Variants in COL28A1 observed in about 807,000 individuals in gnomAD.
COL28A1 encodes the protein collagen alpha-1(XXVIII) chain.
COL28A1 carries 161 observed loss-of-function variants against 150.2 expected under a neutral mutation model. The ratio of observed to expected loss-of-function variants is 1.07; its 90% CI spans 0.94 to 1.22. The LOEUF is 1.22. Among genes scored for constraint, COL28A1 ranks in the 50% most tolerant of loss-of-function variants. COL28A1 has a pLI of 0.00. For synonymous variants in COL28A1, 552 were observed against 469.7 expected, an observed-to-expected ratio of 1.18 and a Z score of -2.26; for missense variants, 1,617 against 1,388.3, an observed-to-expected ratio of 1.16 and a Z score of -2.62.
At position 7,477,064 on chromosome 7, in the gene COL28A1, G is replaced by A. The variant is rs17168104; in HGVS notation, c.1233+48C>T. ...CACATTTTTAAAATTTGTAATTCAC[G>A]AGCATGTAAGACAAAGCACCTTTTC... On this transcript the variant is annotated intron_variant, in intron 14 of 34. Transcript: ENST00000399429. 3,734 of 857,216 alleles carry A rather than the reference G, an allele frequency of 4.4e-3. 87 individuals are homozygous for A. The African/African-American group carries it at 0.054, about 12-fold the overall frequency. 53.1% of individuals were successfully genotyped at this position (857,216 alleles called of 1,614,324 possible).
intron 21 of COL28A1, among the ~76,000 whole-genome samples, chr7:7,440,232 T>C (rs572201027): frequency 6.6e-6 from 1 of 152,344 alleles, no homozygotes; most frequent in African/African-American, 2.4e-5. Flanking sequence ...TTTCTCTGAA[T>C]AATTCGATGT....
intron 8 of COL28A1, among the ~76,000 whole-genome samples, chr7:7,514,936 G>T (rs1781340598): frequency 6.6e-6 from 1 of 152,164 alleles, no homozygotes; most frequent in South Asian, 2.1e-4. Context: ...TGCCCTCCCA[G>T]CAGCAGGCCT....
intron 30 of COL28A1, among the ~76,000 whole-genome samples, chr7:7,378,591 A>G (rs1430626366): frequency 6.6e-6 from 1 of 152,206 alleles, no homozygotes; most frequent in African/African-American, 2.4e-5. Flanking sequence ...TGGGGGATAC[A>G]TTCGATCACA....
chr7:7,420,883 A>C (rs1472024729), intron 25 of COL28A1, among the ~76,000 whole-genome samples: 1 of 152,226 alleles, frequency 6.6e-6, no homozygotes, highest in African/African-American at 2.4e-5. Flanking sequence ...AGGATGTAGA[A>C]AAACAGGAAC....
intron 26 of COL28A1, among the ~76,000 whole-genome samples, chr7:7,418,355 A>C (rs1184735667): frequency 6.6e-6 from 1 of 152,254 alleles, no homozygotes; most frequent in Non-Finnish European, 1.5e-5. Flanking sequence ...GTTGCACTTA[A>C]AGATCCAGTG....
intron 33 of COL28A1, among the ~76,000 whole-genome samples, chr7:7,367,425 G>C (rs1210673088): frequency 1.3e-5 from 2 of 152,118 alleles, no homozygotes; most frequent in African/African-American, 2.4e-5. Flanking sequence ...TTTTGCATTG[G>C]TGCTTCTTTA....
At chr7:7,397,801 C>T (rs1453020613) in intron 27 of COL28A1, among the ~76,000 whole-genome samples, 2 of 152,144 alleles carry the variant, frequency 1.3e-5, no homozygotes, top group Admixed American at 1.3e-4. Context: ...ACAAATTGGG[C>T]ATAAGAGTGA....
intron 27 of COL28A1, among the ~76,000 whole-genome samples, chr7:7,416,801 C>G (rs1029438431): frequency 9.9e-5 from 15 of 152,160 alleles, no homozygotes; most frequent in African/African-American, 3.6e-4. Context: ...ACTAAGCTTA[C>G]TCTCTCTACA....
chr7:7,395,985 C>T (rs1270370507), intron 27 of COL28A1, among the ~76,000 whole-genome samples: 1 of 152,196 alleles, frequency 6.6e-6, no homozygotes, highest in Non-Finnish European at 1.5e-5. Flanking sequence ...GACGCAGTGA[C>T]CTACCTGAAT....
intron 8 of COL28A1, among the ~76,000 whole-genome samples, chr7:7,514,212 C>G (rs1456184004): frequency 1.3e-5 from 2 of 152,226 alleles, no homozygotes; most frequent in Non-Finnish European, 2.9e-5. Flanking sequence ...ACTATACACA[C>G]AGTTGATAAT....
the COL28A1 span, among the ~76,000 whole-genome samples, chr7:7,350,360 A>G: frequency 6.6e-6 from 1 of 152,166 alleles, no homozygotes; most frequent in Non-Finnish European, 1.5e-5. Flanking sequence ...CCTGGTGTAC[A>G]GTGGAGGTGG....
chr7:7,533,877 A>T (rs1444721704), intron 1 of COL28A1, among the ~76,000 whole-genome samples: 1 of 152,302 alleles, frequency 6.6e-6, no homozygotes, highest in Non-Finnish European at 1.5e-5. Context: ...AGTATGGCTT[A>T]AAAATGCTTG....
At chr7:7,521,851 G>C (rs368250376) in intron 5 of COL28A1, 54 bp downstream of exon 5, 11 of 851,418 alleles carry the variant, frequency 1.3e-5, no homozygotes, top group South Asian at 7.9e-5. Context: ...AGAGCGAGTA[G>C]AGCTATCATT....
At chr7:7,400,513 T>C (rs1232366732) in intron 27 of COL28A1, among the ~76,000 whole-genome samples, 1 of 152,158 alleles carries the variant, frequency 6.6e-6, no homozygotes, top group Non-Finnish European at 1.5e-5. Flanking sequence ...CCAGGTGCCC[T>C]TCAGAATGTT....
the COL28A1 span, among the ~76,000 whole-genome samples, chr7:7,348,397 A>C: frequency 6.6e-6 from 1 of 152,070 alleles, no homozygotes. Flanking sequence ...ACCCCTAGGT[A>C]GGGGCAGTGT....
chr7:7,528,888 C>G (rs1396649790), intron 3 of COL28A1, among the ~76,000 whole-genome samples: 2 of 151,924 alleles, frequency 1.3e-5, no homozygotes, highest in Non-Finnish European at 2.9e-5. Flanking sequence ...TAAATCATAC[C>G]TAATTAACTT....
intron 8 of COL28A1, among the ~76,000 whole-genome samples, chr7:7,514,696 CTT>C (rs1781325746): frequency 6.6e-6 from 1 of 152,188 alleles, no homozygotes; most frequent in African/African-American, 2.4e-5. Context: ...AATTAAAAGA[CTT>C]ATGAATTCCT....
chr7:7,485,625 G>C (rs941333631), intron 13 of COL28A1, among the ~76,000 whole-genome samples: 8 of 152,078 alleles, frequency 5.3e-5, no homozygotes, highest in Non-Finnish European at 8.8e-5. Context: ...GATCCATTTT[G>C]AGTTACTTTT....
At chr7:7,419,061 T>C (rs1784257389) in intron 26 of COL28A1, among the ~76,000 whole-genome samples, 1 of 152,216 alleles carries the variant, frequency 6.6e-6, no homozygotes, top group Non-Finnish European at 1.5e-5. Context: ...AATTTGAATT[T>C]GTGGTGGGTG....
Sources: gnomAD v4.1 joint callset for allele counts (sites outside exome capture counted in the v4.1 genomes callset) on GRCh38, gnomAD v4.1.1 for gene constraint, MANE v1.5 for transcripts, NCBI Gene and HGNC (gene_info 2026-07-23, HGNC 2026-07-21) for gene names.